Variants in ACTR3C observed in about 807,000 individuals in gnomAD.
ACTR3C encodes the protein actin-related protein 3C.
In ACTR3C, 18 loss-of-function variants were observed where a neutral mutation model predicts 26.3. The observed-to-expected ratio is 0.68, with a 90% confidence interval of 0.47 to 1.01. The LOEUF is 1.01. ACTR3C is among the 50% of genes least tolerant of loss of function. ACTR3C has a pLI of 0.00. For synonymous variants in ACTR3C, 55 were observed against 94.5 expected, an observed-to-expected ratio of 0.58 and a Z score of 2.42; for missense variants, 184 against 250.7, an observed-to-expected ratio of 0.73 and a Z score of 1.80.
the ACTR3C span, among the ~76,000 whole-genome samples, chr7:150,124,381 T>C: frequency 2.8e-4 from 42 of 152,334 alleles, no homozygotes; most frequent in African/African-American, 9.6e-4. Flanking sequence ...TGAAACACCA[T>C]AGGAAGCTTT....
intron 6 of ACTR3C, among the ~76,000 whole-genome samples, chr7:150,270,336 TG>T (rs199605929): frequency 0.015 from 2,217 of 149,608 alleles, 49 homozygotes; most frequent in African/African-American, 0.054. Flanking sequence ...GCTTACGCGC[TG>T]CCTGACACAG....
the ACTR3C span, among the ~76,000 whole-genome samples, chr7:150,037,827 G>T: frequency 7.0e-5 from 5 of 71,842 alleles, 1 homozygote; most frequent in East Asian, 8.7e-4. Flanking sequence ...CTGGCACTCA[G>T]TCCCTGCCTC....
the ACTR3C span, among the ~76,000 whole-genome samples, chr7:150,152,606 T>A: frequency 6.6e-6 from 1 of 152,358 alleles, no homozygotes; most frequent in East Asian, 1.9e-4. Flanking sequence ...TTCTCCTTTT[T>A]GGTTGTGTCT....
At chr7:150,006,408 A>G in the ACTR3C span, among the ~76,000 whole-genome samples, 7 of 147,914 alleles carry the variant, frequency 4.7e-5, no homozygotes, top group Non-Finnish European at 7.5e-5. Context: ...TGTGTTAGCC[A>G]GGATGGTCTC....
At chr7:149,881,582 G>C in the ACTR3C span, 1 of 90,916 alleles carries the variant, frequency 1.1e-5, no homozygotes, top group African/African-American at 5.3e-5. Context: ...GGCTGGCTGG[G>C]CGGTGGGGCG....
At chr7:150,199,725 CAAAAAAAAAAAA>C in the ACTR3C span, among the ~76,000 whole-genome samples, 5 of 86,086 alleles carry the variant, frequency 5.8e-5, no homozygotes, top group Non-Finnish European at 1.0e-4. Context: ...ATATTTTTAT[CAAAAAAAAAAAA>C]AAAAAAAAAA....
the ACTR3C span, among the ~76,000 whole-genome samples, chr7:150,078,021 C>CTGTT: frequency 4.6e-5 from 7 of 152,290 alleles, no homozygotes; most frequent in East Asian, 9.6e-4. Flanking sequence ...CACAGGGCAA[C>CTGTT]TGTTAGTCTA....
the ACTR3C span, among the ~76,000 whole-genome samples, chr7:150,127,000 T>A: frequency 6.6e-6 from 1 of 152,226 alleles, no homozygotes; most frequent in Non-Finnish European, 1.5e-5. Context: ...CAGGTACTCT[T>A]TCCTGAATAC....
the ACTR3C span, among the ~76,000 whole-genome samples, chr7:150,114,484 A>T: frequency 6.6e-6 from 1 of 152,226 alleles, no homozygotes; most frequent in African/African-American, 2.4e-5. Context: ...GCCATTAAAA[A>T]AAATAGAAAG....
the ACTR3C span, among the ~76,000 whole-genome samples, chr7:150,070,297 G>A: frequency 2.8e-4 from 42 of 152,144 alleles, no homozygotes; most frequent in East Asian, 7.7e-4. Flanking sequence ...CTCACCACCC[G>A]ACAGAAGCCT....
At chr7:150,035,163 A>AG in the ACTR3C span, among the ~76,000 whole-genome samples, 8 of 125,772 alleles carry the variant, frequency 6.4e-5, no homozygotes, top group East Asian at 1.0e-3. Flanking sequence ...GTCCTAAGCC[A>AG]GGGGGGGAAG....
At chr7:150,006,321 C>G in the ACTR3C span, among the ~76,000 whole-genome samples, 1 of 151,212 alleles carries the variant, frequency 6.6e-6, no homozygotes, top group South Asian at 2.1e-4. Context: ...CTCAGCCTCC[C>G]GAGTAGCTGG....
chr7:150,015,159 G>A, the ACTR3C span, among the ~76,000 whole-genome samples: 1 of 152,234 alleles, frequency 6.6e-6, no homozygotes, highest in East Asian at 1.9e-4. Context: ...CAAATGCTAT[G>A]TGACTCTCTA....
chr7:149,971,618 A>G, the ACTR3C span, among the ~76,000 whole-genome samples: 1 of 152,238 alleles, frequency 6.6e-6, no homozygotes, highest in Non-Finnish European at 1.5e-5. Context: ...AGCAGGTAGG[A>G]TTCTGAAAGG....
intron 1 of ACTR3C, among the ~76,000 whole-genome samples, chr7:150,316,148 G>A (rs1440507352): frequency 1.3e-5 from 2 of 152,190 alleles, no homozygotes; most frequent in Admixed American, 6.5e-5. Context: ...AGTGAGCCGA[G>A]ATCACGCCAT....
chr7:150,289,858 T>G (rs1180687025), intron 3 of ACTR3C, among the ~76,000 whole-genome samples: 1 of 151,828 alleles, frequency 6.6e-6, no homozygotes. Flanking sequence ...ATTAGGAATA[T>G]GAAAAGAAAA....
the ACTR3C span, among the ~76,000 whole-genome samples, chr7:149,941,607 C>G: frequency 1.3e-5 from 2 of 152,222 alleles, no homozygotes; most frequent in Non-Finnish European, 2.9e-5. Context: ...CAGGCTCTAC[C>G]TAGCAACCTC....
At chr7:150,081,736 C>T in the ACTR3C span, among the ~76,000 whole-genome samples, 1 of 151,218 alleles carries the variant, frequency 6.6e-6, no homozygotes, top group Admixed American at 6.6e-5. Flanking sequence ...GTACTTAAAA[C>T]TTTGAAGATA....
the ACTR3C span, among the ~76,000 whole-genome samples, chr7:150,038,058 C>T: frequency 3.6e-5 from 5 of 139,898 alleles, 2 homozygotes; most frequent in Admixed American, 1.4e-4. Flanking sequence ...GAGGGGTTGG[C>T]TCTGAGTCCC....
Sources: gnomAD v4.1 joint callset for allele counts (sites outside exome capture counted in the v4.1 genomes callset) on GRCh38, gnomAD v4.1.1 for gene constraint, MANE v1.5 for transcripts, NCBI Gene and HGNC (gene_info 2026-07-23, HGNC 2026-07-21) for gene names.